The following CAB39 variants were observed in gnomAD, a reference collection of about 807,000 sequenced individuals.
The protein encoded by CAB39 is calcium-binding protein 39.
A neutral mutation model predicts 40.0 loss-of-function variants in CAB39; 8 were observed. The ratio of observed to expected loss-of-function variants is 0.20; its 90% CI spans 0.12 to 0.36. The LOEUF is 0.36. Among genes scored for constraint, CAB39 ranks in the 10% least tolerant of loss-of-function variants. The pLI is 1.00. For synonymous variants in CAB39, 156 were observed against 141.6 expected, an observed-to-expected ratio of 1.10 and a Z score of -0.72; for missense variants, 270 against 401.1, an observed-to-expected ratio of 0.67 and a Z score of 2.79.
chr2:230,766,457 T>C (rs1695386936), intron 2 of CAB39, among the ~76,000 whole-genome samples: 1 of 152,160 alleles, frequency 6.6e-6, no homozygotes, highest in Non-Finnish European at 1.5e-5. Flanking sequence ...GTCATTACCA[T>C]GGGGAGAGCA....
chr2:230,761,311 C>T (rs1425047979), intron 2 of CAB39, among the ~76,000 whole-genome samples: 3 of 152,160 alleles, frequency 2.0e-5, no homozygotes, highest in African/African-American at 7.2e-5. Flanking sequence ...ATCATCATTC[C>T]TGACTCTGAA....
At chr2:230,800,403 A>G (rs1378511805) in intron 5 of CAB39, among the ~76,000 whole-genome samples, 1 of 152,244 alleles carries the variant, frequency 6.6e-6, no homozygotes, top group Non-Finnish European at 1.5e-5. Flanking sequence ...TGAAAGCCTC[A>G]GGTGAGGACC....
At chr2:230,719,438 A>G (rs1297815769) in intron 1 of CAB39, among the ~76,000 whole-genome samples, 1 of 152,346 alleles carries the variant, frequency 6.6e-6, no homozygotes, top group South Asian at 2.1e-4. Flanking sequence ...AGGTTTATAA[A>G]TAGATCCGAA....
At chr2:230,733,808 GT>G (rs1318219038) in intron 1 of CAB39, among the ~76,000 whole-genome samples, 5 of 152,180 alleles carry the variant, frequency 3.3e-5, no homozygotes, top group Non-Finnish European at 5.9e-5. Flanking sequence ...AATACCAGGA[GT>G]TTCACAAGAT....
At chr2:230,776,714 G>T (rs928568294) in intron 2 of CAB39, among the ~76,000 whole-genome samples, 2 of 151,688 alleles carry the variant, frequency 1.3e-5, no homozygotes, top group Non-Finnish European at 2.9e-5. Flanking sequence ...CCCCCGAGAT[G>T]GAGTCTCGCT....
chr2:230,739,391 G>T (rs1173798863), intron 1 of CAB39, among the ~76,000 whole-genome samples: 1 of 152,204 alleles, frequency 6.6e-6, no homozygotes, highest in African/African-American at 2.4e-5. Context: ...TAAAACTAAA[G>T]ATGGCAGATC....
intron 2 of CAB39, among the ~76,000 whole-genome samples, chr2:230,778,843 A>T (rs1695639929): frequency 6.6e-6 from 1 of 152,174 alleles, no homozygotes; most frequent in African/African-American, 2.4e-5. Context: ...GGCAGTTGGA[A>T]CACAATGGCA....
At chr2:230,769,545 A>G (rs1171736943) in intron 2 of CAB39, among the ~76,000 whole-genome samples, 1 of 152,210 alleles carries the variant, frequency 6.6e-6, no homozygotes, top group Admixed American at 6.5e-5. Context: ...TTTAAAGGAT[A>G]AAGTTATACA....
At chr2:230,803,235 AG>A (rs772432423) in intron 5 of CAB39, among the ~76,000 whole-genome samples, 1 of 152,238 alleles carries the variant, frequency 6.6e-6, no homozygotes, top group Non-Finnish European at 1.5e-5. Context: ...TCAATAAACT[AG>A]GTATTGATGG....
chr2:230,767,597 T>A (rs1181094470), intron 2 of CAB39, among the ~76,000 whole-genome samples: 2 of 152,100 alleles, frequency 1.3e-5, no homozygotes, highest in African/African-American at 4.8e-5. Context: ...CTAAGAATGG[T>A]TTTTACATTT....
At chr2:230,724,336 C>T (rs1694514056) in intron 1 of CAB39, among the ~76,000 whole-genome samples, 1 of 151,764 alleles carries the variant, frequency 6.6e-6, no homozygotes, top group South Asian at 2.1e-4. Context: ...TAATTGCTAA[C>T]ATAGCACAGG....
At chr2:230,814,215 G>A (rs1356899154) in intron 7 of CAB39, 101 bp downstream of exon 7, 1 of 609,098 alleles carries the variant, frequency 1.6e-6, no homozygotes, top group South Asian at 2.8e-5. Flanking sequence ...AGACCTTTGG[G>A]GGAAATAAAT....
At chr2:230,805,391 A>C (rs969850929) in intron 5 of CAB39, among the ~76,000 whole-genome samples, 1 of 152,104 alleles carries the variant, frequency 6.6e-6, no homozygotes, top group Non-Finnish European at 1.5e-5. Flanking sequence ...CTAGAACTTA[A>C]AGTATAATTA....
At chr2:230,763,701 A>G (rs1267362089) in intron 2 of CAB39, among the ~76,000 whole-genome samples, 1 of 152,218 alleles carries the variant, frequency 6.6e-6, no homozygotes, top group Non-Finnish European at 1.5e-5. Flanking sequence ...ATTTAATACC[A>G]TGCAATTGGT....
At chr2:230,728,295 A>G (rs1003487439) in intron 1 of CAB39, among the ~76,000 whole-genome samples, 5 of 152,146 alleles carry the variant, frequency 3.3e-5, no homozygotes, top group African/African-American at 4.8e-5. Context: ...AAAACCTAAT[A>G]AAATACAAAA....
At chr2:230,785,202 T>G (rs1437240636) in intron 2 of CAB39, among the ~76,000 whole-genome samples, 1 of 152,204 alleles carries the variant, frequency 6.6e-6, no homozygotes, top group Non-Finnish European at 1.5e-5. Context: ...AACTTCCCCA[T>G]TTCTCACAGT....
At chr2:230,760,166 A>G (rs777883435) in intron 2 of CAB39, 51 bp downstream of exon 2, 1 of 1,137,098 alleles carries the variant, frequency 8.8e-7, no homozygotes, top group Non-Finnish European at 1.3e-6. Context: ...AGCAAATGCA[A>G]GACACCTTAT....
At chr2:230,777,950 A>G (rs1445172987) in intron 2 of CAB39, among the ~76,000 whole-genome samples, 1 of 152,198 alleles carries the variant, frequency 6.6e-6, no homozygotes, top group African/African-American at 2.4e-5. Flanking sequence ...CATTTTGCCA[A>G]ATTGCCCTCC....
chr2:230,736,685 C>T (rs191125925), intron 1 of CAB39, among the ~76,000 whole-genome samples: 2 of 152,178 alleles, frequency 1.3e-5, no homozygotes, highest in East Asian at 1.9e-4. Context: ...CTTCTCAAAT[C>T]GTGGTCAGGA....
Sources: gnomAD v4.1 joint callset for allele counts (sites outside exome capture counted in the v4.1 genomes callset) on GRCh38, gnomAD v4.1.1 for gene constraint, MANE v1.5 for transcripts, NCBI Gene and HGNC (gene_info 2026-07-23, HGNC 2026-07-21) for gene names.